Variants in TAFA1 observed in about 807,000 individuals in gnomAD.
TAFA1 encodes the protein TAFA chemokine like family member 1.
Under a neutral mutation model 18.5 loss-of-function variants are expected in TAFA1, and 4 were observed. The ratio of observed to expected loss-of-function variants is 0.22; its 90% confidence interval spans 0.11 to 0.49. The LOEUF (loss-of-function observed/expected upper bound fraction) is 0.49, where lower values mean the gene tolerates loss of function less well. Ranked by LOEUF, TAFA1 falls within the 20% of genes least tolerant of loss-of-function variation. The pLI is 0.98. For missense variants in TAFA1, 147 were observed against 169.0 expected (o/e 0.87, Z 0.72); for synonymous variants, 56 against 55.2 (o/e 1.01, Z -0.06).
intron 3 of TAFA1, among the ~76,000 whole-genome samples, chr3:68,480,255 T>C (rs2072205375): frequency 1.4e-5 from 2 of 147,506 alleles, no homozygotes; most frequent in African/African-American, 5.0e-5. Flanking sequence ...AAAAAAAAAT[T>C]AGCCAGGCAT....
At chr3:68,264,298 A>C (rs1011102244) in intron 2 of TAFA1, among the ~76,000 whole-genome samples, 2 of 152,200 alleles carry the variant, frequency 1.3e-5, no homozygotes, top group African/African-American at 4.8e-5. Context: ...GTAGATTGAA[A>C]AAATAAACAA....
intron 3 of TAFA1, among the ~76,000 whole-genome samples, chr3:68,428,758 T>C (rs566500722): frequency 6.6e-6 from 1 of 152,100 alleles, no homozygotes; most frequent in East Asian, 1.9e-4. Flanking sequence ...CTTAGGCTTA[T>C]AAAATGATTG....
intron 3 of TAFA1, among the ~76,000 whole-genome samples, chr3:68,443,473 C>CAAAAAAAAAA (rs56944130): frequency 3.1e-5 from 3 of 96,100 alleles, no homozygotes; most frequent in Non-Finnish European, 4.4e-5. Context: ...GGGCAATTTA[C>CAAAAAAAAAA]AAAAAAAAAA....
intron 2 of TAFA1, among the ~76,000 whole-genome samples, chr3:68,170,233 A>C (rs551615914): frequency 3.9e-5 from 6 of 152,188 alleles, no homozygotes; most frequent in African/African-American, 4.8e-5. Flanking sequence ...ACAGTCTAGC[A>C]GCCACTCAAG....
intron 2 of TAFA1, among the ~76,000 whole-genome samples, chr3:68,260,290 A>T (rs1233212255): frequency 2.6e-5 from 4 of 152,162 alleles, no homozygotes; most frequent in African/African-American, 4.8e-5. Context: ...GATGAAGCCC[A>T]CTTGATCATG....
At chr3:68,438,940 G>A (rs1184220818) in intron 3 of TAFA1, among the ~76,000 whole-genome samples, 1 of 152,126 alleles carries the variant, frequency 6.6e-6, no homozygotes, top group Non-Finnish European at 1.5e-5. Context: ...CATGTAGAGA[G>A]TGTCAGGCCT....
chr3:68,196,594 G>A (rs943973875), intron 2 of TAFA1, among the ~76,000 whole-genome samples: 3 of 151,700 alleles, frequency 2.0e-5, no homozygotes, highest in Non-Finnish European at 4.4e-5. Flanking sequence ...GAAAAATGAT[G>A]TTGTCATATT....
chr3:68,287,212 T>C (rs755206826), intron 2 of TAFA1, among the ~76,000 whole-genome samples: 23 of 152,172 alleles, frequency 1.5e-4, no homozygotes, highest in Non-Finnish European at 2.6e-4. Flanking sequence ...ACCGCGTGTG[T>C]AATGGAAAAG....
At chr3:68,015,251 A>G (rs1376210979) in intron 2 of TAFA1, among the ~76,000 whole-genome samples, 3 of 151,434 alleles carry the variant, frequency 2.0e-5, no homozygotes, top group Non-Finnish European at 4.4e-5. Context: ...TTTGAATCTC[A>G]GCTAAAAATC....
chr3:68,228,903 T>C (rs754162810), intron 2 of TAFA1, among the ~76,000 whole-genome samples: 1 of 152,102 alleles, frequency 6.6e-6, no homozygotes, highest in Non-Finnish European at 1.5e-5. Flanking sequence ...AGGAAGAAAT[T>C]TGGGAGAAAG....
At chr3:68,042,704 C>G (rs868255415) in intron 2 of TAFA1, among the ~76,000 whole-genome samples, 1 of 152,140 alleles carries the variant, frequency 6.6e-6, no homozygotes, top group South Asian at 2.1e-4. Context: ...CCAACTATAG[C>G]TGTGCATAGT....
intron 2 of TAFA1, among the ~76,000 whole-genome samples, chr3:68,217,957 G>T (rs986032810): frequency 6.6e-6 from 1 of 152,100 alleles, no homozygotes; most frequent in African/African-American, 2.4e-5. Context: ...TAAAGGTTTA[G>T]AGGAACCTCT....
At chr3:68,438,880 G>A (rs1000335971) in intron 3 of TAFA1, among the ~76,000 whole-genome samples, 4 of 152,066 alleles carry the variant, frequency 2.6e-5, no homozygotes, top group Non-Finnish European at 4.4e-5. Flanking sequence ...ACACATTGCT[G>A]TACCAGGGTT....
chr3:68,327,822 A>C (rs2068801111), intron 2 of TAFA1, among the ~76,000 whole-genome samples: 1 of 152,228 alleles, frequency 6.6e-6, no homozygotes. Context: ...TATCATTTAA[A>C]GCATGACATA....
At chr3:68,471,497 A>T (rs534791373) in intron 3 of TAFA1, among the ~76,000 whole-genome samples, 58 of 152,318 alleles carry the variant, frequency 3.8e-4, no homozygotes, top group African/African-American at 1.4e-3. Flanking sequence ...GCCCAAGGCC[A>T]TGGGAGGCCA....
intron 2 of TAFA1, among the ~76,000 whole-genome samples, chr3:68,241,938 A>G (rs1273763141): frequency 1.3e-5 from 2 of 152,208 alleles, no homozygotes; most frequent in Non-Finnish European, 2.9e-5. Flanking sequence ...AATTATCTGA[A>G]TAGTGCCACA....
chr3:68,408,788 T>C (rs774439415), intron 2 of TAFA1, among the ~76,000 whole-genome samples: 1 of 152,166 alleles, frequency 6.6e-6, no homozygotes, highest in African/African-American at 2.4e-5. Context: ...AAGCCCATAA[T>C]TCCAGTTGGG....
chr3:68,406,749 T>A (rs778320040), intron 2 of TAFA1, among the ~76,000 whole-genome samples: 9 of 152,248 alleles, frequency 5.9e-5, no homozygotes, highest in Non-Finnish European at 1.3e-4. Context: ...GGCAGTCTGA[T>A]GTCCAATCCA....
intron 3 of TAFA1, among the ~76,000 whole-genome samples, chr3:68,529,754 G>A (rs549164123): frequency 3.3e-5 from 5 of 152,192 alleles, no homozygotes; most frequent in Admixed American, 6.5e-5. Context: ...ACCAGCTCTC[G>A]TGGGAACTAA....
Sources: allele counts gnomAD v4.1 joint callset (sites outside exome capture counted in the v4.1 genomes callset), GRCh38; gene constraint gnomAD v4.1.1; transcripts MANE v1.5; gene names NCBI Gene and HGNC (gene_info 2026-07-23, HGNC 2026-07-21).